Variants in ARAP1 observed in about 807,000 individuals in gnomAD.
ARAP1 encodes arf-GAP with Rho-GAP domain, ANK repeat and PH domain-containing protein 1.
In ARAP1, 76 loss-of-function variants were observed where a neutral mutation model predicts 172.2. That is an observed-to-expected ratio of 0.44 (90% CI 0.37 to 0.53). The LOEUF is 0.53. Ranked by LOEUF, ARAP1 falls within the 20% of genes least tolerant of loss-of-function variation. ARAP1 has a pLI of 0.00. For missense variants in ARAP1, 1,686 were observed against 1,977.5 expected (o/e 0.85, Z 2.80); for synonymous variants, 804 against 803.3 (o/e 1.00, Z -0.01).
intron 3 of ARAP1, among the ~76,000 whole-genome samples, chr11:72,722,524 T>TC (rs1431615171): frequency 3.3e-5 from 5 of 152,130 alleles, no homozygotes; most frequent in Non-Finnish European, 5.9e-5. Context: ...TCTCCACCAC[T>TC]CCACCCGCAT....
At position 72,726,595 on chromosome 11, in the gene ARAP1, C is replaced by T. The variant is rs1401928580; in HGVS notation, c.509+25G>A. Reference sequence around the variant, plus strand: ...TCTGGGATCCTCTGCCTGTGCGCCTCCCACCCTGGGTGGCATCCACTCACC... The same window carrying T: ...TCTGGGATCCTCTGCCTGTGCGCCTTCCACCCTGGGTGGCATCCACTCACC... On this transcript the variant is annotated intron_variant, in intron 3 of 34. Transcript: ENST00000393609. This position sits in a 1 kb window ranked among gnomAD's most constrained non-coding sequence, Gnocchi z 6.5. 1.4e-6 allele frequency: 2 copies of T among 1,475,104 alleles called. No individual in the cohort carries two copies. The highest frequency in any genetic ancestry group is 2.7e-5 in the South Asian group (2 of 73,814). The allele number at this position is 1,475,104 out of a possible 1,614,324, so 91.4% of individuals were successfully genotyped here.
At chr11:72,706,935 T>C (rs1253554070) in intron 12 of ARAP1, among the ~76,000 whole-genome samples, 2 of 152,340 alleles carry the variant, frequency 1.3e-5, no homozygotes, top group East Asian at 3.9e-4. Context: ...CAGGTGACCC[T>C]GAACAAGCCA....
chr11:72,701,645 C>T lies in ARAP1; in HGVS notation c.2302+4G>A. 1 of 1,611,978 alleles carries T rather than the reference C, an allele frequency of 6.2e-7. No individual in the cohort carries two copies. On this transcript the variant is annotated splice_donor_region_variant and intron_variant, in intron 16 of 34. Transcript: ENST00000393609. ...GCTAAAGCAGAGTCTGGGGTGGCAC[C>T]CACCTTCCCGGGCCCGGCGGTCCTG...
At chr11:72,714,612 A>G (rs975096018) in intron 3 of ARAP1, among the ~76,000 whole-genome samples, 1 of 152,162 alleles carries the variant, frequency 6.6e-6, no homozygotes, top group Admixed American at 6.5e-5. Context: ...ACACTGAAGG[A>G]GGGATAAAGA....
chr11:72,743,118 C>T lies in ARAP1; in HGVS notation c.-128+9210G>A, dbSNP rs375854761. 4.6e-5 allele frequency among the ~76,000 whole-genome samples: 7 copies of T among 152,222 alleles called. No individual in the cohort carries two copies. In the East Asian group the frequency reaches 7.7e-4, roughly 17 times the overall value. Reference sequence around the variant, plus strand: ...TTTTCAGCATCCCACTTATCACTACCGGACACTGCCTTATATGGATATTTG... The same window carrying T: ...TTTTCAGCATCCCACTTATCACTACTGGACACTGCCTTATATGGATATTTG... On this transcript the variant is annotated intron_variant, in intron 1 of 34. Coordinates refer to ENST00000393609, the MANE Select transcript of ARAP1 (RefSeq NM_001040118.3).
rs111986615 is a variant in ARAP1 at position 72,726,630 on chromosome 11, G to A, written c.499C>T (p.Leu167=). The change falls in exon 3 of 35, where the codon CTG becomes TTG. Residue 167 remains leucine (L), a synonymous_variant. Coordinates refer to ENST00000393609, the MANE Select transcript of ARAP1 (RefSeq NM_001040118.3). The surrounding 1 kb of genome is among the most constrained non-coding windows in gnomAD (Gnocchi z 6.5). ...PVPPRTGPPR[L]LVSLPTKEEE... is the part of the protein sequence containing the mutation. ...GTGGCATCCACTCACCTCACCAGCA[G>A]GCGGGGGGGTCCGGTGCGGGGCGGC... 1 of 1,514,332 alleles carries A rather than the reference G, an allele frequency of 6.6e-7. No homozygotes were observed. Among genetic ancestry groups the A allele is most frequent in the Non-Finnish European group, 8.9e-7 (1 of 1,129,896 alleles). 93.8% of individuals were successfully genotyped at this position (1,514,332 alleles called of 1,614,324 possible). A position where few individuals can be genotyped will look rare whatever the true frequency, so the allele number is the denominator to read the frequency against.
At position 72,751,231 on chromosome 11, in the gene ARAP1, A is replaced by C. The variant is rs1411582480; in HGVS notation, c.-128+1097T>G. ...GACAATCCCCAGCCAGGAATGGGAC[A>C]CAGGATGAGTTCTCTCTACACCTCT... On this transcript the variant is annotated intron_variant, in intron 1 of 34. Coordinates refer to ENST00000393609, the MANE Select transcript of ARAP1 (RefSeq NM_001040118.3). 3.3e-5 allele frequency among the ~76,000 whole-genome samples: 5 copies of C among 152,226 alleles called. No individual in the cohort carries two copies. In the East Asian group the frequency reaches 9.7e-4, roughly 29 times the overall value.
intron 5 of ARAP1, 70 bp from the exon 6 acceptor site, chr11:72,712,638 C>T (rs773827165): frequency 3.1e-5 from 50 of 1,603,192 alleles, no homozygotes; most frequent in African/African-American, 5.3e-5. Context: ...GGGGCTGCCA[C>T]GCCCCCTCTG....
intron 11 of ARAP1, among the ~76,000 whole-genome samples, chr11:72,709,299 G>A (rs1423605663): frequency 6.6e-6 from 1 of 152,208 alleles, no homozygotes; most frequent in Non-Finnish European, 1.5e-5. Context: ...AGGAAACTGA[G>A]GCACACAGAG....
At chr11:72,742,899 T>C (rs930589292) in intron 1 of ARAP1, among the ~76,000 whole-genome samples, 1 of 152,226 alleles carries the variant, frequency 6.6e-6, no homozygotes, top group East Asian at 1.9e-4. Flanking sequence ...CTGCCAGGCC[T>C]GTGCAACCTG....
chr11:72,722,029 T>C, intron 3 of ARAP1: 1 of 985,670 alleles, frequency 1.0e-6, no homozygotes, highest in Non-Finnish European at 1.2e-6. Context: ...TCTTGGAGGT[T>C]TTTGAGCCCA....
chr11:72,721,921 G>A (rs1857528526), intron 3 of ARAP1: 1 of 986,276 alleles, frequency 1.0e-6, no homozygotes, highest in Non-Finnish European at 1.2e-6. Flanking sequence ...GTATGCCCAA[G>A]AATGTCGTGT....
chr11:72,701,680 G>T lies in ARAP1; in HGVS notation c.2271C>A (p.Gly757=), dbSNP rs1282701588. 6.2e-7 allele frequency: 1 copy of T among 1,613,744 alleles called. No homozygotes were observed. The change falls in exon 16 of 35, where the codon GGC becomes GGA. Residue 757 remains glycine (G), a synonymous_variant. Transcript: ENST00000393609. Reference sequence around the variant, plus strand: ...GGGCCCGGCGGTCCTGTAGCAGCTTGCCGGCAGAGGCAGTCTTGTAGAGGA... The same window carrying T: ...GGGCCCGGCGGTCCTGTAGCAGCTTTCCGGCAGAGGCAGTCTTGTAGAGGA... ...SGFLYKTASA[G]KLLQDRRARE... is the part of the protein sequence containing the mutation.
In ARAP1 at chr11:72,693,379, G is replaced by A. The variant is rs143237397; in HGVS notation, c.3900C>T (p.His1300=). Residue 1300 remains histidine (H), a synonymous_variant, in exon 29 of 35, where the codon CAC becomes CAT. Coordinates refer to ENST00000393609, the MANE Select transcript of ARAP1 (RefSeq NM_001040118.3). This position sits in a 1 kb window ranked among gnomAD's most constrained non-coding sequence, Gnocchi z 4.6. ...TGCTGTTGAGGATGAAGTAGCGATCGTGGAAGCCACCTGAGGGCAGGCCCA... is the reference window on the plus strand; with the variant it reads ...TGCTGTTGAGGATGAAGTAGCGATCATGGAAGCCACCTGAGGGCAGGCCCA... ...LGLGLPSGGF[H]DRYFILNSSC... is the part of the protein sequence containing the mutation. 956 of 1,613,892 alleles carry A rather than the reference G, an allele frequency of 5.9e-4. 6 individuals are homozygous for A. In the South Asian group the frequency reaches 6.4e-3, roughly 11 times the overall value.
chr11:72,695,814 A>G lies in ARAP1; in HGVS notation c.3324T>C (p.Ile1108=). 1 of 1,613,958 alleles carries G rather than the reference A, an allele frequency of 6.2e-7. No homozygotes were observed. The highest frequency in any genetic ancestry group is 8.5e-7 in the Non-Finnish European group (1 of 1,179,964). Residue 1108 remains isoleucine, a synonymous_variant, in exon 24 of 35, where the codon ATT becomes ATC. Coordinates refer to ENST00000393609, the MANE Select transcript of ARAP1 (RefSeq NM_001040118.3). The surrounding 1 kb of genome is among the most constrained non-coding windows in gnomAD (Gnocchi z 4.4). ...TNQMNVHNLA[I]VFGPTLFQTD... ...TCTGGAAGAGCGTGGGCCCAAACAC[A>G]ATTGCCAGGTTGTGCACGTTCATCT...
chr11:72,690,748 T>C (rs1020495976), intron 30 of ARAP1, among the ~76,000 whole-genome samples: 1 of 152,176 alleles, frequency 6.6e-6, no homozygotes, highest in East Asian at 1.9e-4. Context: ...GGGCAGACAA[T>C]GACGTTTACT....
rs1449959053 is a variant in ARAP1 at position 72,686,247 on chromosome 11, C to G, written c.4186-56G>C. The G allele has an allele frequency of 3.2e-6, 5 of 1,569,276 alleles. No individual in the cohort carries two copies. The African/African-American group carries it at 6.7e-5, about 21-fold the overall frequency. On this transcript the variant is annotated intron_variant, in intron 33 of 34. Transcript: ENST00000393609. ...AGCTTCAGTTCACCCAGACACTCAG[C>G]CTCAGATCTGCCCACCCTTCCCAGA...
chr11:72,733,565 C>T (rs1394919877), intron 1 of ARAP1, among the ~76,000 whole-genome samples: 2 of 152,120 alleles, frequency 1.3e-5, no homozygotes, highest in African/African-American at 4.8e-5. Context: ...CCTTGCTATG[C>T]AGACAGCCGG....
intron 1 of ARAP1, among the ~76,000 whole-genome samples, chr11:72,750,401 A>G (rs1858497068): frequency 6.6e-6 from 1 of 151,910 alleles, no homozygotes; most frequent in Admixed American, 6.6e-5. Context: ...TGGGAAGGAG[A>G]GAGGGCTCCG....
Sources: allele counts gnomAD v4.1 joint callset (sites outside exome capture counted in the v4.1 genomes callset), GRCh38; gene constraint gnomAD v4.1.1; non-coding constraint Gnocchi (gnomAD v3.1); transcripts MANE v1.5; gene names NCBI Gene and HGNC (gene_info 2026-07-23, HGNC 2026-07-21).